ATAD3A: variants seen among roughly 807,000 people sequenced by gnomAD.
The protein encoded by ATAD3A is ATPase family AAA domain containing 3A.
Under a neutral mutation model 73.8 loss-of-function variants are expected in ATAD3A, and 46 were observed. That is an observed-to-expected ratio of 0.62 (90% CI 0.49 to 0.80). ATAD3A has a LOEUF of 0.80. ATAD3A is among the 30% of genes least tolerant of loss of function. The probability of loss-of-function intolerance (pLI) is 0.00; values close to 1 mark genes in which losing one functional copy is unlikely to be tolerated. For synonymous variants in ATAD3A, 319 were observed against 350.0 expected, an observed-to-expected ratio of 0.91 and a Z score of 0.99; for missense variants, 705 against 838.0, an observed-to-expected ratio of 0.84 and a Z score of 1.96.
intron 13 of ATAD3A, chr1:1,527,266 G>A (rs1214219835): frequency 7.9e-7 from 1 of 1,266,702 alleles, no homozygotes; most frequent in African/African-American, 1.6e-5. Flanking sequence ...GATGCTCCCT[G>A]GAGCCCTGAC....
Position 1,517,776 on chromosome 1 carries a change from G to A in ATAD3A, c.444+1G>A. ...CTACGAGGACCAACTGAAGCAGCAG[G>A]TGAGCTCAGCCTCCCCTGCGAGGCG... On this transcript the variant is annotated splice_donor_variant, in intron 4 of 15. Coordinates refer to ENST00000378756, the MANE Select transcript of ATAD3A (RefSeq NM_001170535.3). LOFTEE classifies it high-confidence loss of function. 1.5e-6 allele frequency: 2 copies of A among 1,322,602 alleles called. No individual in the cohort carries two copies. Among genetic ancestry groups the A allele is most frequent in the Non-Finnish European group, 2.1e-6 (2 of 932,200 alleles). The allele number at this position is 1,322,602 out of a possible 1,614,324, so 81.9% of individuals were successfully genotyped here.
rs771503491 is a variant in ATAD3A, at chr1:1,520,582, G to A, written c.715G>A (p.Ala239Thr). The change falls in exon 7 of 16, where the codon GCC becomes ACC. Residue 239 changes from alanine to threonine, a missense_variant. Coordinates refer to ENST00000378756, the MANE Select transcript of ATAD3A (RefSeq NM_001170535.3). This position sits in a 1 kb window ranked among gnomAD's most constrained non-coding sequence, Gnocchi z 4.0. ...AGTLFGEGFR[A>T]FVTDWDKVTA... Reference sequence around the variant, plus strand: ...CACCTTGTTTGGGGAAGGATTCCGTGCCTTTGTGACAGACTGGGACAAAGT... The same window carrying A: ...CACCTTGTTTGGGGAAGGATTCCGTACCTTTGTGACAGACTGGGACAAAGT... 6.2e-7 allele frequency: 1 copy of A among 1,613,820 alleles called. No individual in the cohort carries two copies. The highest frequency in any genetic ancestry group is 1.7e-5 in the Admixed American group (1 of 60,026).
intron 1 of ATAD3A, among the ~76,000 whole-genome samples, chr1:1,512,841 A>G (rs1189940642): frequency 6.6e-6 from 1 of 152,016 alleles, no homozygotes; most frequent in African/African-American, 2.4e-5. Context: ...AGATGGGTAG[A>G]TGGGTTTGTT....
Position 1,522,740 on chromosome 1 carries a change from G to A in ATAD3A, c.751-4G>A, listed in dbSNP as rs375394524. The A allele has an allele frequency of 3.2e-5, 51 of 1,612,210 alleles. No individual in the cohort carries two copies. The African/African-American group carries it at 5.9e-4, about 19-fold the overall frequency. On this transcript the variant is annotated splice_region_variant and splice_polypyrimidine_tract_variant and intron_variant, in intron 7 of 15. Transcript: ENST00000378756. ...GGTGCGCCAGTGCGGTGTCTCTGCT[G>A]CAGGTGGCTGGGCTGACGCTGCTGG... is the stretch of plus-strand genomic sequence containing the variant.
intron 2 of ATAD3A, chr1:1,516,946 A>T: frequency 1.4e-6 from 1 of 724,292 alleles, no homozygotes; most frequent in Non-Finnish European, 2.2e-6. Context: ...TACTAACCTC[A>T]GTTGATCCAC....
At chr1:1,532,784 C>T (rs142126766) in intron 15 of ATAD3A, among the ~76,000 whole-genome samples, 147 of 152,300 alleles carry the variant, frequency 9.7e-4, no homozygotes, top group African/African-American at 3.3e-3. Context: ...TCCTGGGCCC[C>T]GGACCCACAG....
intron 14 of ATAD3A, among the ~76,000 whole-genome samples, chr1:1,528,578 A>G (rs1641928267): frequency 6.6e-6 from 1 of 152,218 alleles, no homozygotes; most frequent in Non-Finnish European, 1.5e-5. Flanking sequence ...CGGTGGGTGC[A>G]GCAGGCACGG....
Position 1,527,729 on chromosome 1 carries a change from C to G in ATAD3A, c.1372C>G (p.Gln458Glu). Residue 458 changes from glutamine (Q) to glutamate (E), a missense_variant, in exon 14 of 16, where the codon CAG (glutamine) becomes GAG (glutamate). Around this residue, in one of 5 missense-constraint regions of ATAD3A, gnomAD observed 252 missense variants for 278.5 expected, o/e 0.90. Transcript: ENST00000378756. ...GGTCCTGGCCAGCAACCAACCAGAG[C>G]AGTTCGACTGGGCCATCAATGACCG... is the stretch of plus-strand genomic sequence containing the variant. Reference protein sequence around the residue: ...MLVLASNQPEQFDWAINDRIN... With the variant: ...MLVLASNQPEEFDWAINDRIN... The G allele has an allele frequency of 6.2e-7, 1 of 1,613,694 alleles. No homozygotes were observed. Among genetic ancestry groups the G allele is most frequent in the Non-Finnish European group, 8.5e-7 (1 of 1,179,832 alleles).
At chr1:1,521,667 G>C (rs1339385789) in intron 7 of ATAD3A, among the ~76,000 whole-genome samples, 3 of 152,236 alleles carry the variant, frequency 2.0e-5, no homozygotes, top group African/African-American at 4.8e-5. Context: ...TGTCACGTGA[G>C]GACATGACGG....
chr1:1,524,345 G>A lies in ATAD3A; in HGVS notation c.1162G>A (p.Gly388Ser), dbSNP rs760368605. The A allele has an allele frequency of 6.2e-7, 1 of 1,611,796 alleles. No homozygotes were observed. Among genetic ancestry groups the A allele is most frequent in the Non-Finnish European group, 8.5e-7 (1 of 1,178,946 alleles). Residue 388 changes from glycine to serine, a missense_variant, in exon 11 of 16, where the codon GGC (glycine) becomes AGC (serine). Physicochemically the swap from Gly to Ser is moderately conservative, Grantham distance 56. Coordinates refer to ENST00000378756, the MANE Select transcript of ATAD3A (RefSeq NM_001170535.3). ...GGDVAPMGRE[G>S]VTAMHKLFDW... ...GGACGTGGCCCCCATGGGGCGGGAA[G>A]GCGTGACCGCCATGCACAAGCTCTT...
At position 1,516,966 on chromosome 1, in the gene ATAD3A, C is replaced by G. The variant is rs1187251823; in HGVS notation, c.283-345C>G. The G allele has an allele frequency of 4.1e-6, 4 of 976,920 alleles. No individual in the cohort carries two copies. The African/African-American group carries it at 6.6e-5, about 16-fold the overall frequency. The allele number at this position is 976,920 out of a possible 1,614,324, so 60.5% of individuals were successfully genotyped here. ...ACCTCAGTTGATCCACCCACTTTGG[C>G]CTCCCAAAGTGCTGGGATTATAAGC... On this transcript the variant is annotated intron_variant, in intron 2 of 15. Transcript: ENST00000378756.
intron 15 of ATAD3A, among the ~76,000 whole-genome samples, chr1:1,533,178 A>G (rs6694773): frequency 0.22 from 33,092 of 152,116 alleles, 7,792 homozygotes; most frequent in African/African-American, 0.56. Context: ...TCAGCTGTCC[A>G]GGAAGGGTCC....
chr1:1,526,068 G>A (rs923845432), intron 12 of ATAD3A, among the ~76,000 whole-genome samples: 11 of 150,062 alleles, frequency 7.3e-5, no homozygotes, highest in Non-Finnish European at 1.0e-4. Context: ...TGTTGCCCAC[G>A]CTGGAGTGCA....
intron 10 of ATAD3A, 46 bp downstream of exon 10, chr1:1,524,010 T>A: frequency 6.2e-7 from 1 of 1,612,618 alleles, no homozygotes; most frequent in Non-Finnish European, 8.5e-7. Context: ...CGCTGGGGTC[T>A]CACCTGCCTG....
chr1:1,533,862 T>C (rs1456756749), intron 15 of ATAD3A, 64 bp from the exon 16 acceptor site: 18 of 1,572,502 alleles, frequency 1.1e-5, no homozygotes, highest in African/African-American at 1.4e-5. Context: ...CTCGGGGCCC[T>C]GGCGTGCATT....
At chr1:1,528,764 C>T (rs1464824829) in intron 14 of ATAD3A, among the ~76,000 whole-genome samples, 3 of 152,254 alleles carry the variant, frequency 2.0e-5, no homozygotes, top group East Asian at 1.9e-4. Flanking sequence ...AAAAGAGAGC[C>T]TGGTTGCCGC....
At chr1:1,526,777 G>A (rs1381609035) in intron 13 of ATAD3A, among the ~76,000 whole-genome samples, 11 of 152,330 alleles carry the variant, frequency 7.2e-5, no homozygotes, top group South Asian at 6.2e-4. Context: ...CCTGTGCGCC[G>A]CCGCCCCAGC....
intron 13 of ATAD3A, 113 bp from the exon 14 acceptor site, chr1:1,527,582 C>T: frequency 7.3e-7 from 1 of 1,370,764 alleles, no homozygotes; most frequent in Non-Finnish European, 9.8e-7. Flanking sequence ...TGCCCGTGTC[C>T]TCGTGTTTCC....
In ATAD3A at chr1:1,515,598, T is replaced by C. The variant is rs372917725; in HGVS notation, c.206-414T>C. 2.2e-4 allele frequency among the ~76,000 whole-genome samples: 34 copies of C among 152,340 alleles called. No individual in the cohort carries two copies. The South Asian group carries it at 6.0e-3, about 27-fold the overall frequency. On this transcript the variant is annotated intron_variant, in intron 1 of 15. Coordinates refer to ENST00000378756, the MANE Select transcript of ATAD3A (RefSeq NM_001170535.3). ...AGCTTGTTGGCTGGTATCCTATTCT[T>C]ATTCATTCCCTTTCTTGCCTGCATG...
Sources: gnomAD v4.1 joint callset for allele counts (sites outside exome capture counted in the v4.1 genomes callset) on GRCh38, gnomAD v4.1.1 for gene constraint, gnomAD v4.1.1 regional missense constraint, Gnocchi (gnomAD v3.1) non-coding constraint, MANE v1.5 for transcripts, NCBI Gene and HGNC (gene_info 2026-07-23, HGNC 2026-07-21) for gene names.